The following KCNH5 variants were observed in gnomAD, a reference collection of about 807,000 sequenced individuals.
KCNH5 encodes the protein voltage-gated delayed rectifier potassium channel KCNH5.
KCNH5 carries 46 observed loss-of-function variants against 96.1 expected under a neutral mutation model. That is an observed-to-expected ratio of 0.48 (90% CI 0.38 to 0.61). The LOEUF (loss-of-function observed/expected upper bound fraction) is 0.61. Ranked by LOEUF, KCNH5 falls within the 20% of genes least tolerant of loss-of-function variation. The probability of loss-of-function intolerance (pLI) is 0.00; values close to 1 mark genes in which losing one functional copy is unlikely to be tolerated. For missense variants in KCNH5, 907 were observed against 1,225.8 expected, an observed-to-expected ratio of 0.74 and a Z score of 3.88; for synonymous variants, 439 against 449.8, an observed-to-expected ratio of 0.98 and a Z score of 0.30.
At chr14:62,969,877 C>T (rs564055890) in intron 6 of KCNH5, among the ~76,000 whole-genome samples, 13 of 140,962 alleles carry the variant, frequency 9.2e-5, no homozygotes, top group Admixed American at 1.5e-4. Flanking sequence ...CCCTGGGCAA[C>T]GCGGTGAAAC....
rs141448372 is a variant in KCNH5, at chr14:62,727,259, G to A, written c.2020-18804C>T. On this transcript the variant is annotated intron_variant, in intron 10 of 10. Transcript: ENST00000322893. Reference sequence around the variant, plus strand: ...ACATGCCTGCCATCCCAGCTACTTGGGAAGCTGAGGCAGGAGAATCACTTG... The same window carrying A: ...ACATGCCTGCCATCCCAGCTACTTGAGAAGCTGAGGCAGGAGAATCACTTG... Among the ~76,000 whole-genome samples the A allele has an allele frequency of 3.4e-4, 52 of 152,216 alleles. No homozygotes were observed. The East Asian group carries it at 0.01, about 29-fold the overall frequency.
intron 4 of KCNH5, among the ~76,000 whole-genome samples, chr14:62,987,917 T>C (rs1018198297): frequency 3.3e-5 from 5 of 152,202 alleles, no homozygotes. Flanking sequence ...TTACTTTTTA[T>C]GGTTCATTTC....
chr14:62,822,301 A>C (rs185151612), intron 8 of KCNH5, among the ~76,000 whole-genome samples: 66 of 152,234 alleles, frequency 4.3e-4, no homozygotes, highest in African/African-American at 1.3e-3. Context: ...AAGGCACTAC[A>C]CCTAGAAGAC....
intron 3 of KCNH5, 31 bp downstream of exon 3, chr14:63,006,335 G>A: frequency 7.7e-7 from 1 of 1,292,566 alleles, no homozygotes; most frequent in Non-Finnish European, 1.1e-6. Flanking sequence ...ATAAAGAGTT[G>A]GCACATCTTA....
intron 7 of KCNH5, among the ~76,000 whole-genome samples, chr14:62,944,498 TAC>T (rs575038286): frequency 2.0e-5 from 3 of 151,260 alleles, no homozygotes; most frequent in South Asian, 2.1e-4. Flanking sequence ...CCACCACACA[TAC>T]ACACACACAC....
chr14:62,900,665 A>G (rs1888906470), intron 7 of KCNH5, among the ~76,000 whole-genome samples: 1 of 152,120 alleles, frequency 6.6e-6, no homozygotes, highest in African/African-American at 2.4e-5. Flanking sequence ...TCCAAATGAA[A>G]AAGTTTTCTA....
intron 3 of KCNH5, among the ~76,000 whole-genome samples, chr14:63,002,670 C>T (rs1259372817): frequency 6.6e-6 from 1 of 152,000 alleles, no homozygotes; most frequent in Non-Finnish European, 1.5e-5. Flanking sequence ...CTAATGTCAC[C>T]ACAAAGGGGA....
intron 7 of KCNH5, among the ~76,000 whole-genome samples, chr14:62,860,917 G>C (rs999076777): frequency 1.3e-5 from 2 of 152,178 alleles, no homozygotes; most frequent in African/African-American, 2.4e-5. Context: ...TTTAAACCCA[G>C]CTTGGAAAGA....
At chr14:62,727,208 T>C (rs1219453939) in intron 10 of KCNH5, among the ~76,000 whole-genome samples, 4 of 151,838 alleles carry the variant, frequency 2.6e-5, no homozygotes, top group African/African-American at 9.7e-5. Flanking sequence ...CTACTAAAAA[T>C]ACAAAAATTA....
intron 7 of KCNH5, among the ~76,000 whole-genome samples, chr14:62,878,715 C>T (rs1036779667): frequency 1.3e-5 from 2 of 152,160 alleles, no homozygotes; most frequent in African/African-American, 4.8e-5. Context: ...GACTGGGGAA[C>T]TTAAACAATA....
chr14:62,956,201 C>T (rs1890100932), intron 6 of KCNH5, among the ~76,000 whole-genome samples: 1 of 152,140 alleles, frequency 6.6e-6, no homozygotes, highest in Non-Finnish European at 1.5e-5. Context: ...TCCAATCAAA[C>T]CAAACTCCTT....
intron 10 of KCNH5, among the ~76,000 whole-genome samples, chr14:62,729,143 C>T (rs1884998201): frequency 6.6e-6 from 1 of 152,168 alleles, no homozygotes; most frequent in African/African-American, 2.4e-5. Context: ...TGGTCAGTGA[C>T]CAGCCTCAGT....
rs1030866885 is a variant in KCNH5, at chr14:62,704,278, G to C, written c.*3230C>G. 4.8e-4 allele frequency: 73 copies of C among 151,966 alleles called. No homozygotes were observed. The highest frequency in any genetic ancestry group is 1.7e-3 in the African/African-American group (71 of 41,518). The allele number at this position is 151,966 out of a possible 1,614,324, so 9.4% of individuals were successfully genotyped here. ...CTATACTTAATGCAAGATGCAACTA[G>C]TGTCATAAAAATTTTCCATTTTAAC... On this transcript the variant is annotated 3_prime_UTR_variant, in exon 11 of 11. Transcript: ENST00000322893.
chr14:62,810,292 T>G (rs1446494556), intron 8 of KCNH5, among the ~76,000 whole-genome samples: 1 of 151,952 alleles, frequency 6.6e-6, no homozygotes, highest in Non-Finnish European at 1.5e-5. Context: ...ATCACCCCTA[T>G]TAAGCCTGAA....
intron 7 of KCNH5, among the ~76,000 whole-genome samples, chr14:62,861,673 C>CACAA (rs1371234433): frequency 6.7e-6 from 1 of 148,656 alleles, no homozygotes; most frequent in African/African-American, 2.5e-5. Context: ...CACACACACA[C>CACAA]ACGGTATAAT....
chr14:62,955,103 C>T (rs1890079306), intron 6 of KCNH5, among the ~76,000 whole-genome samples: 1 of 150,862 alleles, frequency 6.6e-6, no homozygotes, highest in African/African-American at 2.4e-5. Context: ...AAAAACCCCT[C>T]AAAACTCAAC....
chr14:62,795,456 T>G (rs1164966028), intron 9 of KCNH5, among the ~76,000 whole-genome samples: 1 of 152,134 alleles, frequency 6.6e-6, no homozygotes, highest in Non-Finnish European at 1.5e-5. Flanking sequence ...AAAACAACTA[T>G]GTACATAGCA....
At chr14:63,029,114 C>T (rs1454379231) in intron 1 of KCNH5, among the ~76,000 whole-genome samples, 1 of 152,094 alleles carries the variant, frequency 6.6e-6, no homozygotes, top group Non-Finnish European at 1.5e-5. Flanking sequence ...GGAGGACAAA[C>T]ATGAAAACTG....
chr14:62,832,480 T>G (rs564773117), intron 8 of KCNH5, among the ~76,000 whole-genome samples: 59 of 152,296 alleles, frequency 3.9e-4, no homozygotes, highest in African/African-American at 1.4e-3. Flanking sequence ...TTGTTCGTAT[T>G]TAGCAGATTT....
Sources: gnomAD v4.1 joint callset for allele counts (sites outside exome capture counted in the v4.1 genomes callset) on GRCh38, gnomAD v4.1.1 for gene constraint, MANE v1.5 for transcripts, NCBI Gene and HGNC (gene_info 2026-07-23, HGNC 2026-07-21) for gene names.